Variants in ASPH observed in about 807,000 individuals in gnomAD.
The protein encoded by ASPH is aspartate beta-hydroxylase.
ASPH carries 100 observed loss-of-function variants against 118.4 expected under a neutral mutation model. That is an observed-to-expected ratio of 0.84 (90% CI 0.72 to 1.00). The LOEUF is 1.00. Ranked by LOEUF, ASPH falls within the 50% of genes least tolerant of loss-of-function variation. The probability of loss-of-function intolerance (pLI) is 0.00; values close to 1 mark genes in which losing one functional copy is unlikely to be tolerated. For synonymous variants in ASPH, 315 were observed against 325.6 expected (o/e 0.97, Z 0.35); for missense variants, 920 against 919.5 (o/e 1.00, Z -0.01).
chr8:61,513,264 T>C (rs144812739), intron 24 of ASPH, among the ~76,000 whole-genome samples: 1 of 152,348 alleles, frequency 6.6e-6, no homozygotes, highest in African/African-American at 2.4e-5. Flanking sequence ...TCTACAATCA[T>C]AGCACAGAAC....
chr8:61,599,326 C>T (rs567170023), intron 14 of ASPH, among the ~76,000 whole-genome samples: 27 of 151,714 alleles, frequency 1.8e-4, no homozygotes, highest in East Asian at 9.7e-4. Flanking sequence ...GTTGTGGGGT[C>T]GGGGGAGTGA....
At chr8:61,560,375 G>A (rs571746284) in intron 18 of ASPH, among the ~76,000 whole-genome samples, 1 of 151,962 alleles carries the variant, frequency 6.6e-6, no homozygotes, top group African/African-American at 2.4e-5. Flanking sequence ...CAAAAAGCTG[G>A]AAAAATAAAA....
chr8:61,665,327 T>A (rs1461088116), intron 3 of ASPH: 1 of 1,613,724 alleles, frequency 6.2e-7, no homozygotes, highest in Non-Finnish European at 8.5e-7. Context: ...CTTTCTGTCA[T>A]CTTTGTCTCG....
chr8:61,629,320 T>C (rs1487643092), intron 13 of ASPH, among the ~76,000 whole-genome samples: 4 of 152,228 alleles, frequency 2.6e-5, no homozygotes, highest in Non-Finnish European at 2.9e-5. Context: ...AAGTATTGTT[T>C]GAGAGGAAAT....
At chr8:61,695,802 A>G (rs1833797981) in intron 1 of ASPH, among the ~76,000 whole-genome samples, 1 of 152,216 alleles carries the variant, frequency 6.6e-6, no homozygotes, top group Non-Finnish European at 1.5e-5. Flanking sequence ...AAGTGGATAC[A>G]TTCCTTCCCA....
chr8:61,594,636 G>A (rs1031405779), intron 14 of ASPH, among the ~76,000 whole-genome samples: 1 of 152,198 alleles, frequency 6.6e-6, no homozygotes, highest in African/African-American at 2.4e-5. Context: ...TTGAGAGGGA[G>A]ACCACATTCA....
At position 61,592,484 on chromosome 8, in the gene ASPH, C is replaced by A. The variant is rs544599001; in HGVS notation, c.977-8455G>T. Among the ~76,000 whole-genome samples, 8 of 152,314 alleles carry A rather than the reference C, an allele frequency of 5.3e-5. No individual in the cohort carries two copies. In the South Asian group the frequency reaches 6.2e-4, roughly 12 times the overall value. ...AGAGCTTTGAGGCCATGCTAAACTT[C>A]CCCTGCTTCCCAAACTCTAGTATGT... is the stretch of plus-strand genomic sequence containing the variant. On this transcript the variant is annotated intron_variant, in intron 14 of 24. Transcript: ENST00000379454.
At chr8:61,625,107 T>A (rs1337708908) in intron 13 of ASPH, 2 of 985,622 alleles carry the variant, frequency 2.0e-6, no homozygotes, top group Non-Finnish European at 2.4e-6. Flanking sequence ...AAACCACTTC[T>A]TATGGCTTTG....
intron 21 of ASPH, among the ~76,000 whole-genome samples, chr8:61,540,701 A>G (rs895926472): frequency 2.6e-5 from 4 of 152,194 alleles, no homozygotes; most frequent in Admixed American, 6.5e-5. Flanking sequence ...AAAGGGGAAA[A>G]CACATATGAT....
chr8:61,574,160 G>T (rs533587048), intron 16 of ASPH, among the ~76,000 whole-genome samples: 2 of 152,112 alleles, frequency 1.3e-5, no homozygotes, highest in Non-Finnish European at 1.5e-5. Context: ...ACCATCTCAC[G>T]CCAGTTAGAA....
chr8:61,503,340 A>G lies in ASPH; in HGVS notation c.*19T>C, dbSNP rs1185046073. 3 of 1,594,418 alleles carry G rather than the reference A, an allele frequency of 1.9e-6. No homozygotes were observed. The highest frequency in any genetic ancestry group is 2.6e-6 in the Non-Finnish European group (3 of 1,167,382). On this transcript the variant is annotated 3_prime_UTR_variant, in exon 25 of 25. Transcript: ENST00000379454. ...AGGCAGCCTCTCTCCAGAGTTTCCCAAGCTTGCATGAATTCATGCTAAATT... is the reference window on the plus strand; with the variant it reads ...AGGCAGCCTCTCTCCAGAGTTTCCCGAGCTTGCATGAATTCATGCTAAATT...
intron 13 of ASPH, among the ~76,000 whole-genome samples, chr8:61,622,458 C>T (rs1411897247): frequency 6.6e-6 from 1 of 152,158 alleles, no homozygotes; most frequent in African/African-American, 2.4e-5. Context: ...GAATTTCCAC[C>T]CAGGCCTGTT....
At chr8:61,712,607 G>A (rs2151940319) in intron 1 of ASPH, among the ~76,000 whole-genome samples, 1 of 152,172 alleles carries the variant, frequency 6.6e-6, no homozygotes, top group South Asian at 2.1e-4. Flanking sequence ...CTCAAATATG[G>A]GCAGAGTTTG....
intron 14 of ASPH, among the ~76,000 whole-genome samples, chr8:61,592,708 C>T (rs2133058849): frequency 6.6e-6 from 1 of 152,312 alleles, no homozygotes; most frequent in African/African-American, 2.4e-5. Context: ...TCACATAAAG[C>T]AACCTTACTG....
intron 10 of ASPH, among the ~76,000 whole-genome samples, chr8:61,641,978 G>A (rs1295383310): frequency 1.3e-5 from 2 of 152,082 alleles, no homozygotes; most frequent in African/African-American, 2.4e-5. Context: ...TACATTCTTG[G>A]GCAGCTTATT....
At chr8:61,696,814 G>A (rs1027652336) in intron 1 of ASPH, among the ~76,000 whole-genome samples, 1 of 152,182 alleles carries the variant, frequency 6.6e-6, no homozygotes, top group South Asian at 2.1e-4. Context: ...AAACTCTGAG[G>A]TGGTGAAAGA....
intron 15 of ASPH, among the ~76,000 whole-genome samples, 168 bp downstream of exon 15, chr8:61,583,776 C>G (rs898580318): frequency 1.3e-5 from 2 of 152,036 alleles, no homozygotes; most frequent in Non-Finnish European, 2.9e-5. Context: ...TAGCAATTCT[C>G]TTCCATCTGA....
chr8:61,703,885 A>G (rs1251742933), intron 1 of ASPH, among the ~76,000 whole-genome samples: 1 of 152,224 alleles, frequency 6.6e-6, no homozygotes, highest in Admixed American at 6.5e-5. Context: ...GTATAGCTAG[A>G]GTAATCAAGA....
intron 15 of ASPH, chr8:61,579,154 G>T: frequency 3.7e-6 from 6 of 1,611,968 alleles, no homozygotes; most frequent in Non-Finnish European, 5.1e-6. Context: ...GAGATGAACT[G>T]GAACATCAGC....
Sources: allele counts gnomAD v4.1 joint callset (sites outside exome capture counted in the v4.1 genomes callset), GRCh38; gene constraint gnomAD v4.1.1; transcripts MANE v1.5; gene names NCBI Gene and HGNC (gene_info 2026-07-23, HGNC 2026-07-21).